NFIB: variants seen among roughly 807,000 people sequenced by gnomAD.
NFIB encodes nuclear factor 1 B-type.
In NFIB, 11 loss-of-function variants were observed where a neutral mutation model predicts 61.5. The observed-to-expected ratio is 0.18, with a 90% CI of 0.11 to 0.30. NFIB has a LOEUF of 0.30. Among genes scored for constraint, NFIB ranks in the 10% least tolerant of loss-of-function variants. The probability of loss-of-function intolerance (pLI) is 1.00; values close to 1 mark genes in which losing one functional copy is unlikely to be tolerated. For missense variants in NFIB, 471 were observed against 608.9 expected (o/e 0.77, Z 2.38); for synonymous variants, 260 against 216.5 (o/e 1.20, Z -1.76).
intron 1 of NFIB, among the ~76,000 whole-genome samples, chr9:14,324,164 C>G (rs571422759): frequency 6.6e-6 from 1 of 152,150 alleles, no homozygotes; most frequent in South Asian, 2.1e-4. Flanking sequence ...AACCACTTAG[C>G]GAGTATAGCT....
At chr9:14,245,965 T>A (rs1445489365) in intron 2 of NFIB, among the ~76,000 whole-genome samples, 1 of 151,960 alleles carries the variant, frequency 6.6e-6, no homozygotes, top group Non-Finnish European at 1.5e-5. Flanking sequence ...GAAATGAGTT[T>A]ACTGTAAATA....
At chr9:14,464,869 T>G in the NFIB span, among the ~76,000 whole-genome samples, 1 of 152,172 alleles carries the variant, frequency 6.6e-6, no homozygotes, top group Non-Finnish European at 1.5e-5. Context: ...AAGATGGAGT[T>G]GTATTTCCCT....
At chr9:14,358,202 CAT>C (rs1431010692) in intron 1 of NFIB, among the ~76,000 whole-genome samples, 4 of 147,824 alleles carry the variant, frequency 2.7e-5, no homozygotes, top group Non-Finnish European at 4.4e-5. Flanking sequence ...ATATATAACT[CAT>C]ATATCAATAA....
the NFIB span, among the ~76,000 whole-genome samples, chr9:14,530,842 C>A: frequency 6.9e-6 from 1 of 144,894 alleles, no homozygotes; most frequent in Non-Finnish European, 1.5e-5. Context: ...GTAGTAAGCA[C>A]AATAATTATC....
At chr9:14,356,415 T>C (rs556208165) in intron 1 of NFIB, among the ~76,000 whole-genome samples, 24 of 152,072 alleles carry the variant, frequency 1.6e-4, no homozygotes, top group African/African-American at 5.8e-4. Context: ...CACGAGGAAC[T>C]AGTGTTTGGG....
intron 10 of NFIB, chr9:14,096,605 T>C (rs2034829318): frequency 6.6e-6 from 1 of 152,196 alleles, no homozygotes; most frequent in Non-Finnish European, 1.5e-5. Flanking sequence ...TATGGTCCAT[T>C]GTTCCCCCAA....
the NFIB span, among the ~76,000 whole-genome samples, chr9:14,479,434 C>T: frequency 1.3e-5 from 2 of 152,310 alleles, no homozygotes; most frequent in East Asian, 3.9e-4. Flanking sequence ...TATGGTGGAG[C>T]TTTTGGCCAC....
At chr9:14,238,959 C>A (rs1451570959) in intron 2 of NFIB, among the ~76,000 whole-genome samples, 1 of 152,104 alleles carries the variant, frequency 6.6e-6, no homozygotes, top group Non-Finnish European at 1.5e-5. Flanking sequence ...GTCTCCTAAA[C>A]AGCATAAGGT....
the NFIB span, among the ~76,000 whole-genome samples, chr9:14,409,428 C>A: frequency 6.6e-6 from 1 of 152,088 alleles, no homozygotes; most frequent in Admixed American, 6.6e-5. Context: ...ACCAGCCACA[C>A]GGCTGGATTG....
intron 1 of NFIB, among the ~76,000 whole-genome samples, chr9:14,311,785 C>A (rs2060291240): frequency 6.6e-6 from 1 of 152,144 alleles, no homozygotes; most frequent in South Asian, 2.1e-4. Context: ...ATTATTCAAT[C>A]TTTTACAGGT....
At chr9:14,341,963 A>C (rs2132876365) in intron 1 of NFIB, among the ~76,000 whole-genome samples, 1 of 150,342 alleles carries the variant, frequency 6.7e-6, no homozygotes. Context: ...AAAATCAGTC[A>C]TTTTGACAAG....
intron 10 of NFIB, among the ~76,000 whole-genome samples, chr9:14,090,703 A>G (rs914588234): frequency 4.6e-5 from 7 of 152,220 alleles, no homozygotes; most frequent in Admixed American, 2.6e-4. Context: ...CCTTGACAGT[A>G]AAATACAATG....
At chr9:14,440,273 A>T in the NFIB span, among the ~76,000 whole-genome samples, 1 of 152,182 alleles carries the variant, frequency 6.6e-6, no homozygotes, top group African/African-American at 2.4e-5. Flanking sequence ...GACAGAGCAC[A>T]CGCTGACTAG....
chr9:14,216,936 A>T (rs889748661), intron 2 of NFIB, among the ~76,000 whole-genome samples: 17 of 152,244 alleles, frequency 1.1e-4, no homozygotes, highest in Non-Finnish European at 2.1e-4. Flanking sequence ...AAAAGCTAGA[A>T]CAGCTATCCA....
chr9:14,248,093 C>A (rs956608546), intron 2 of NFIB, among the ~76,000 whole-genome samples: 1 of 151,142 alleles, frequency 6.6e-6, no homozygotes, highest in Non-Finnish European at 1.5e-5. Context: ...CCACCATGCC[C>A]AGCTAACTTT....
At chr9:14,433,478 G>A in the NFIB span, among the ~76,000 whole-genome samples, 2 of 152,110 alleles carry the variant, frequency 1.3e-5, no homozygotes, top group African/African-American at 2.4e-5. Context: ...TTACTGATAA[G>A]GGACAGTTCA....
chr9:14,181,286 G>A (rs996891359), intron 2 of NFIB, among the ~76,000 whole-genome samples: 1 of 152,048 alleles, frequency 6.6e-6, no homozygotes, highest in Non-Finnish European at 1.5e-5. Flanking sequence ...TGAGATCTTG[G>A]CAGGCATATT....
At chr9:14,174,675 G>A (rs532076250) in intron 3 of NFIB, among the ~76,000 whole-genome samples, 5 of 151,044 alleles carry the variant, frequency 3.3e-5, no homozygotes, top group South Asian at 4.2e-4. Flanking sequence ...GCTGAGGCAG[G>A]AGAATTGCTT....
intron 2 of NFIB, among the ~76,000 whole-genome samples, chr9:14,297,343 A>G (rs924923749): frequency 2.0e-5 from 3 of 152,192 alleles, no homozygotes; most frequent in Non-Finnish European, 4.4e-5. Flanking sequence ...TTTACAGGAG[A>G]AGAGAGAAAA....
Sources: allele counts gnomAD v4.1 joint callset (sites outside exome capture counted in the v4.1 genomes callset), GRCh38; gene constraint gnomAD v4.1.1; transcripts MANE v1.5; gene names NCBI Gene and HGNC (gene_info 2026-07-23, HGNC 2026-07-21).